ZC3H12C: variants seen among roughly 807,000 people sequenced by gnomAD.
ZC3H12C encodes zinc finger CCCH-type containing 12C, also known as probable ribonuclease ZC3H12C.
In ZC3H12C, 20 loss-of-function variants were observed where a neutral mutation model predicts 76.3. The ratio of observed to expected loss-of-function variants is 0.26; its 90% CI spans 0.18 to 0.38. ZC3H12C has a LOEUF of 0.38. Among genes scored for constraint, ZC3H12C ranks in the 10% least tolerant of loss-of-function variants. ZC3H12C has a pLI of 1.00. For synonymous variants in ZC3H12C, 352 were observed against 399.6 expected (o/e 0.88, Z 1.42); for missense variants, 874 against 1,086.5 (o/e 0.80, Z 2.75).
At chr11:110,153,346 C>T (rs10891070) in intron 3 of ZC3H12C, among the ~76,000 whole-genome samples, 37,252 of 151,904 alleles carry the variant, frequency 0.25, 4,773 homozygotes, top group South Asian at 0.39. Context: ...TGCCACCACA[C>T]GCAGCTTATT....
chr11:110,133,025 A>C (rs551254267), intron 1 of ZC3H12C, among the ~76,000 whole-genome samples: 6 of 152,118 alleles, frequency 3.9e-5, no homozygotes, highest in Non-Finnish European at 8.8e-5. Flanking sequence ...AATTTCTTGT[A>C]AGTTTTACAT....
chr11:110,099,111 TTG>T (rs1861166363), intron 1 of ZC3H12C, among the ~76,000 whole-genome samples: 1 of 152,220 alleles, frequency 6.6e-6, no homozygotes, highest in African/African-American at 2.4e-5. Context: ...ATTTCTAACG[TTG>T]TGTTATTTAA....
Position 110,153,997 on chromosome 11 carries a change from C to A in ZC3H12C, c.913+939C>A, listed in dbSNP as rs142970198. 1.8e-4 allele frequency among the ~76,000 whole-genome samples: 28 copies of A among 152,198 alleles called. 1 individual carries two copies. Among genetic ancestry groups the A allele is most frequent in the African/African-American group, 6.7e-4 (28 of 41,510 alleles). ...CAGTATTGACAAAAACTGAGGCACC[C>A]GTGTAAAGACAACTGTAAAACATTT... On this transcript the variant is annotated intron_variant, in intron 3 of 5. Transcript: ENST00000278590.
chr11:110,108,923 AC>A (rs1861380392), intron 1 of ZC3H12C, among the ~76,000 whole-genome samples: 1 of 152,236 alleles, frequency 6.6e-6, no homozygotes, highest in Admixed American at 6.5e-5. Flanking sequence ...AGAGCTGTTA[AC>A]CAATACATGC....
chr11:110,126,305 T>C (rs1861746804), intron 1 of ZC3H12C, among the ~76,000 whole-genome samples: 1 of 146,358 alleles, frequency 6.8e-6, no homozygotes, highest in Non-Finnish European at 1.5e-5. Flanking sequence ...AGCCTTGAAC[T>C]CCTGGGCTCA....
chr11:110,140,326 G>A (rs1240214309), intron 2 of ZC3H12C, among the ~76,000 whole-genome samples: 1 of 152,156 alleles, frequency 6.6e-6, no homozygotes, highest in Non-Finnish European at 1.5e-5. Flanking sequence ...GCTATCCAGA[G>A]TGGGAATGTG....
At chr11:110,114,733 G>A (rs1330650933) in intron 1 of ZC3H12C, among the ~76,000 whole-genome samples, 1 of 151,920 alleles carries the variant, frequency 6.6e-6, no homozygotes, top group African/African-American at 2.4e-5. Context: ...CAAGAACTAA[G>A]GTATTTTATA....
intron 1 of ZC3H12C, among the ~76,000 whole-genome samples, chr11:110,094,778 A>G (rs1861083953): frequency 6.6e-6 from 1 of 152,204 alleles, no homozygotes; most frequent in African/African-American, 2.4e-5. Context: ...ACAATTTGGC[A>G]TGCTTATTTC....
Position 110,164,937 on chromosome 11 carries a change from A to G in ZC3H12C, c.1852A>G (p.Arg618Gly), listed in dbSNP as rs1479264271. 1.9e-6 allele frequency: 3 copies of G among 1,614,056 alleles called. No individual in the cohort carries two copies. Among genetic ancestry groups the G allele is most frequent in the Non-Finnish European group, 2.5e-6 (3 of 1,179,890 alleles). The change falls in exon 6 of 6, where the codon AGA (arginine) becomes GGA (glycine). Residue 618 changes from arginine (R) to glycine (G), a missense_variant. This residue lies in a region of ZC3H12C where 395 missense variants were observed against 434.4 expected (regional missense o/e 0.91). Coordinates refer to ENST00000278590, the MANE Select transcript of ZC3H12C (RefSeq NM_033390.2). The surrounding 1 kb of genome is among the most constrained non-coding windows in gnomAD (Gnocchi z 5.7). ...ERRFSLDTDYRISSVASDCSS... is the reference protein window; with the variant it reads ...ERRFSLDTDYGISSVASDCSS... ...GCGTTTCTCCTTAGACACAGATTAT[A>G]GAATAAGTTCCGTAGCTTCTGACTG...
At chr11:110,119,464 C>T (rs1407144572) in intron 1 of ZC3H12C, among the ~76,000 whole-genome samples, 1 of 152,186 alleles carries the variant, frequency 6.6e-6, no homozygotes, top group African/African-American at 2.4e-5. Context: ...GCATTGTCTT[C>T]TAATGCACTA....
In ZC3H12C at chr11:110,164,530, T is replaced by G; in HGVS notation, c.1445T>G (p.Val482Gly). Residue 482 changes from valine (V) to glycine (G), a missense_variant, in exon 6 of 6, where the codon GTC becomes GGC. Transcript: ENST00000278590. This position sits in a 1 kb window ranked among gnomAD's most constrained non-coding sequence, Gnocchi z 5.7. ...CSTKADSTSD[V>G]KRGAPKRQSD... Reference sequence around the variant, plus strand: ...ACCAAGGCTGATAGCACTTCTGATGTCAAACGAGGTGCTCCAAAGAGGCAA... The same window carrying G: ...ACCAAGGCTGATAGCACTTCTGATGGCAAACGAGGTGCTCCAAAGAGGCAA... 2 of 1,613,926 alleles carry G rather than the reference T, an allele frequency of 1.2e-6. No individual in the cohort carries two copies. Among genetic ancestry groups the G allele is most frequent in the Non-Finnish European group, 1.7e-6 (2 of 1,179,884 alleles).
intron 4 of ZC3H12C, among the ~76,000 whole-genome samples, chr11:110,162,110 TG>T (rs1392384441): frequency 5.9e-5 from 9 of 152,286 alleles, no homozygotes; most frequent in Middle Eastern, 6.8e-3. Flanking sequence ...CACTCCAGCC[TG>T]GGTGAAACAG....
At chr11:110,158,511 GAAA>G (rs111478426) in intron 3 of ZC3H12C, among the ~76,000 whole-genome samples, 1 of 143,636 alleles carries the variant, frequency 7.0e-6, no homozygotes, top group African/African-American at 2.5e-5. Flanking sequence ...CTCAGTCACA[GAAA>G]AAAAAAAAAT....
rs758039060 is a variant in ZC3H12C, at chr11:110,171,414, A to T, written c.*5677A>T. On this transcript the variant is annotated 3_prime_UTR_variant, in exon 6 of 6. Transcript: ENST00000278590. ...TAGAATTTTTTATTTGATCCTGCGA[A>T]CTTTTCTTATAGGAAAAGTAAGGCA... is the stretch of plus-strand genomic sequence containing the variant. 1 of 152,296 alleles carries T rather than the reference A, an allele frequency of 6.6e-6. No homozygotes were observed. Among genetic ancestry groups the T allele is most frequent in the African/African-American group, 2.4e-5 (1 of 41,572 alleles). 9.4% of individuals were successfully genotyped at this position (152,296 alleles called of 1,614,324 possible).
chr11:110,104,178 G>A (rs900941689), intron 1 of ZC3H12C, among the ~76,000 whole-genome samples: 14 of 151,608 alleles, frequency 9.2e-5, no homozygotes, highest in African/African-American at 3.4e-4. Context: ...CGGGTAGCTG[G>A]GTTATGGACC....
At chr11:110,103,105 C>T (rs1327250087) in intron 1 of ZC3H12C, among the ~76,000 whole-genome samples, 3 of 152,120 alleles carry the variant, frequency 2.0e-5, no homozygotes, top group Non-Finnish European at 2.9e-5. Context: ...CACAATATTT[C>T]CAAGGTATGC....
intron 1 of ZC3H12C, among the ~76,000 whole-genome samples, chr11:110,125,705 C>T (rs1205657696): frequency 6.6e-6 from 1 of 152,142 alleles, no homozygotes; most frequent in Admixed American, 6.5e-5. Flanking sequence ...TTACTATCAC[C>T]CCACCTAAGG....
chr11:110,143,919 A>C (rs1426797110), intron 2 of ZC3H12C, among the ~76,000 whole-genome samples: 1 of 152,250 alleles, frequency 6.6e-6, no homozygotes, highest in Non-Finnish European at 1.5e-5. Flanking sequence ...CTAATTACCC[A>C]TTAAAGTAAT....
chr11:110,093,708 C>G (rs1861056208), intron 1 of ZC3H12C, among the ~76,000 whole-genome samples: 1 of 152,010 alleles, frequency 6.6e-6, no homozygotes, highest in Admixed American at 6.5e-5. Context: ...GAGGTGAGGC[C>G]GGGCTTCCCG....
Sources: allele counts gnomAD v4.1 joint callset (sites outside exome capture counted in the v4.1 genomes callset), GRCh38; gene constraint gnomAD v4.1.1; regional missense constraint gnomAD v4.1.1; non-coding constraint Gnocchi (gnomAD v3.1); transcripts MANE v1.5; gene names NCBI Gene and HGNC (gene_info 2026-07-23, HGNC 2026-07-21).